NEBL: variants seen among roughly 807,000 people sequenced by gnomAD.
NEBL encodes the protein LIM and SH3 protein 2.
A neutral mutation model predicts 140.2 loss-of-function variants in NEBL; 122 were observed. The observed-to-expected ratio is 0.87, with a 90% CI of 0.75 to 1.01. NEBL has a LOEUF of 1.01. NEBL is among the 50% of genes least tolerant of loss of function. The probability of loss-of-function intolerance (pLI) is 0.00; values close to 1 mark genes in which losing one functional copy is unlikely to be tolerated. For synonymous variants in NEBL, 436 were observed against 398.9 expected, an observed-to-expected ratio of 1.09 and a Z score of -1.11; for missense variants, 1,365 against 1,231.3, an observed-to-expected ratio of 1.11 and a Z score of -1.62.
At chr10:21,146,691 T>C (rs1229118073) in intron 2 of NEBL, 1 of 529,022 alleles carries the variant, frequency 1.9e-6, no homozygotes, top group South Asian at 3.2e-5. Flanking sequence ...AATTCACTGA[T>C]GGAAAAGAAT....
At chr10:20,872,853 G>A (rs1355819626) in intron 5 of NEBL, among the ~76,000 whole-genome samples, 1 of 152,172 alleles carries the variant, frequency 6.6e-6, no homozygotes, top group African/African-American at 2.4e-5. Context: ...CTAAAAAGGG[G>A]AGGCATGAAT....
intron 3 of NEBL, among the ~76,000 whole-genome samples, chr10:20,972,764 T>TA (rs556803958): frequency 6.8e-5 from 10 of 147,876 alleles, no homozygotes; most frequent in African/African-American, 1.2e-4. Flanking sequence ...AAATAAAAAT[T>TA]AAAAAAAAAA....
At chr10:21,050,059 A>C (rs1171501858) in intron 2 of NEBL, among the ~76,000 whole-genome samples, 1 of 152,188 alleles carries the variant, frequency 6.6e-6, no homozygotes, top group Non-Finnish European at 1.5e-5. Flanking sequence ...AAGACTAGGT[A>C]ATATCTAAGG....
chr10:21,237,011 C>G (rs975830633), intron 3 of NEBL, among the ~76,000 whole-genome samples: 1 of 152,174 alleles, frequency 6.6e-6, no homozygotes, highest in Non-Finnish European at 1.5e-5. Context: ...GGGATTTAAA[C>G]CCAGGCAGCC....
chr10:20,801,229 T>C (rs897538085), intron 26 of NEBL, among the ~76,000 whole-genome samples: 1 of 152,070 alleles, frequency 6.6e-6, no homozygotes, highest in Non-Finnish European at 1.5e-5. Context: ...TTATTTTCTT[T>C]TGAGGCAGGG....
intron 4 of NEBL, among the ~76,000 whole-genome samples, chr10:20,940,557 C>T (rs1204611015): frequency 7.0e-6 from 1 of 142,800 alleles, no homozygotes; most frequent in Non-Finnish European, 1.5e-5. Context: ...CATTCAAATG[C>T]TAGCAGAAGG....
chr10:21,258,115 A>C (rs1317362571), intron 1 of NEBL, among the ~76,000 whole-genome samples: 2 of 152,088 alleles, frequency 1.3e-5, no homozygotes, highest in Non-Finnish European at 2.9e-5. Flanking sequence ...ACAATACAAG[A>C]AAGCATGATC....
intron 26 of NEBL, chr10:20,793,276 T>C (rs777818278): frequency 1.2e-6 from 1 of 846,782 alleles, no homozygotes; most frequent in Non-Finnish European, 1.4e-6. Flanking sequence ...ATCATCGTGA[T>C]ACAAAATAAT....
Position 20,880,921 on chromosome 10 carries a change from A to T in NEBL, c.370-17T>A. 6.3e-7 allele frequency: 1 copy of T among 1,599,054 alleles called. No homozygotes were observed. Among genetic ancestry groups the T allele is most frequent in the Non-Finnish European group, 8.6e-7 (1 of 1,166,334 alleles). On this transcript the variant is annotated splice_polypyrimidine_tract_variant and intron_variant, in intron 4 of 27. Coordinates refer to ENST00000377122, the MANE Select transcript of NEBL (RefSeq NM_006393.3). Reference sequence around the variant, plus strand: ...GTAGGCCACCTGAAAAACACAAATAATTTTTAGTCCCATTTAGAGGCATAT... The same window carrying T: ...GTAGGCCACCTGAAAAACACAAATATTTTTTAGTCCCATTTAGAGGCATAT...
chr10:20,889,027 GAAA>G (rs1326552430), intron 3 of NEBL, among the ~76,000 whole-genome samples: 1 of 152,204 alleles, frequency 6.6e-6, no homozygotes, highest in African/African-American at 2.4e-5. Context: ...CTTAATGAAA[GAAA>G]ACGTACTGAT....
At chr10:21,107,256 G>GT (rs1275527082) in intron 2 of NEBL, among the ~76,000 whole-genome samples, 3 of 152,154 alleles carry the variant, frequency 2.0e-5, no homozygotes, top group African/African-American at 7.2e-5. Flanking sequence ...TTCTTGTCTT[G>GT]TGACGGTTTT....
At chr10:21,069,136 G>A (rs990864586) in intron 2 of NEBL, among the ~76,000 whole-genome samples, 1 of 152,070 alleles carries the variant, frequency 6.6e-6, no homozygotes, top group African/African-American at 2.4e-5. Flanking sequence ...TGATCCTCCT[G>A]CCTTATCCTC....
chr10:21,038,327 C>A (rs1396524249), intron 2 of NEBL, among the ~76,000 whole-genome samples: 1 of 152,184 alleles, frequency 6.6e-6, no homozygotes, highest in Non-Finnish European at 1.5e-5. Context: ...GCCCTGCATG[C>A]ATTAGGTATT....
At chr10:20,979,090 G>A (rs1374143315) in intron 3 of NEBL, among the ~76,000 whole-genome samples, 1 of 152,058 alleles carries the variant, frequency 6.6e-6, no homozygotes, top group East Asian at 1.9e-4. Context: ...GCAAGCTGGA[G>A]GATAAATATA....
chr10:20,977,406 G>A (rs1836849378), intron 3 of NEBL, among the ~76,000 whole-genome samples: 2 of 152,172 alleles, frequency 1.3e-5, no homozygotes, highest in African/African-American at 4.8e-5. Context: ...TCATGTGACA[G>A]GCACATAACC....
chr10:20,914,288 T>C (rs770852745), intron 4 of NEBL, among the ~76,000 whole-genome samples: 2 of 152,170 alleles, frequency 1.3e-5, no homozygotes, highest in Non-Finnish European at 2.9e-5. Context: ...AGAAAACGTG[T>C]ATTTGGAGAA....
chr10:20,855,133 G>A (rs1842930746), intron 9 of NEBL, among the ~76,000 whole-genome samples: 1 of 151,738 alleles, frequency 6.6e-6, no homozygotes, highest in Admixed American at 6.6e-5. Context: ...AGGAGGCTGA[G>A]GCAGGAGAAT....
At chr10:20,825,720 A>G (rs1839785387) in intron 18 of NEBL, among the ~76,000 whole-genome samples, 1 of 152,110 alleles carries the variant, frequency 6.6e-6, no homozygotes, top group African/African-American at 2.4e-5. Context: ...TCAAATTGGT[A>G]AGGAGAGCAA....
chr10:21,257,856 G>T (rs570659017), intron 1 of NEBL, among the ~76,000 whole-genome samples: 1 of 151,882 alleles, frequency 6.6e-6, no homozygotes, highest in Admixed American at 6.6e-5. Flanking sequence ...CTGCACTCCA[G>T]CCTGGGTGGC....
Sources: allele counts gnomAD v4.1 joint callset (sites outside exome capture counted in the v4.1 genomes callset), GRCh38; gene constraint gnomAD v4.1.1; transcripts MANE v1.5; gene names NCBI Gene and HGNC (gene_info 2026-07-23, HGNC 2026-07-21).